The following TMC1 variants were observed in gnomAD, a reference collection of about 807,000 sequenced individuals.
TMC1 encodes the protein transmembrane channel like 1.
TMC1 carries 84 observed loss-of-function variants against 105.8 expected under a neutral mutation model. The observed-to-expected ratio is 0.79, with a 90% confidence interval of 0.67 to 0.95. TMC1 has a LOEUF of 0.95. Among genes scored for constraint, TMC1 ranks in the 40% least tolerant of loss-of-function variants. TMC1 has a pLI of 0.00. For missense variants in TMC1, 817 were observed against 914.1 expected (o/e 0.89, Z 1.37); for synonymous variants, 315 against 311.5 (o/e 1.01, Z -0.12).
At position 72,572,982 on chromosome 9, in the gene TMC1, ACT is replaced by A. The variant is rs1587967239; in HGVS notation, c.-427-4917_-427-4916del. Among the ~76,000 whole-genome samples, 4 of 152,046 alleles carry A rather than the reference ACT, an allele frequency of 2.6e-5. 1 individual carries two copies. In the East Asian group the frequency reaches 7.7e-4, roughly 29 times the overall value. ...ACTCCAACACAGGGGACAGAGTGAG[ACT>A]CTGTCTCAAAAATAAAATAAAATAA... On this transcript the variant is annotated intron_variant, in intron 1 of 23. Coordinates refer to ENST00000297784, the MANE Select transcript of TMC1 (RefSeq NM_138691.3).
intron 3 of TMC1, among the ~76,000 whole-genome samples, chr9:72,620,398 A>G (rs1313050389): frequency 6.6e-6 from 1 of 151,464 alleles, no homozygotes; most frequent in Non-Finnish European, 1.5e-5. Flanking sequence ...AGGCACCACC[A>G]TGCCTGGCTA....
intron 12 of TMC1, among the ~76,000 whole-genome samples, chr9:72,761,198 G>C (rs1827750595): frequency 6.6e-6 from 1 of 152,156 alleles, no homozygotes; most frequent in African/African-American, 2.4e-5. Context: ...AGAAGAATGA[G>C]TTTAAGTCAG....
chr9:72,770,546 A>G (rs1316774855), intron 12 of TMC1, among the ~76,000 whole-genome samples: 2 of 150,334 alleles, frequency 1.3e-5, no homozygotes, highest in Admixed American at 1.3e-4. Flanking sequence ...AGCCTCCCAA[A>G]GTGCTAGAAT....
chr9:72,566,731 T>C (rs1253853638), intron 1 of TMC1, among the ~76,000 whole-genome samples: 1 of 152,196 alleles, frequency 6.6e-6, no homozygotes, highest in Non-Finnish European at 1.5e-5. Context: ...CCTCCTACCC[T>C]TGTGGACTCT....
rs562542055 is a variant in TMC1, at chr9:72,685,206, A to C, written c.17-3503A>C. Among the ~76,000 whole-genome samples, 7 of 142,136 alleles carry C rather than the reference A, an allele frequency of 4.9e-5. No individual in the cohort carries two copies. The East Asian group carries it at 1.2e-3, about 25-fold the overall frequency. The allele number at this position is 142,136 out of a possible 152,430, so 93.2% of individuals were successfully genotyped here. A position where few individuals can be genotyped will look rare whatever the true frequency, so the allele number is the denominator to read the frequency against. On this transcript the variant is annotated intron_variant, in intron 5 of 23. Coordinates refer to ENST00000297784, the MANE Select transcript of TMC1 (RefSeq NM_138691.3). ...ACTGCAAGCTCCGCCTCCCGGGTTC[A>C]TACCATTCTCCTGTTTCAGCCTCCC...
intron 8 of TMC1, among the ~76,000 whole-genome samples, chr9:72,725,730 G>A (rs1010732585): frequency 1.4e-4 from 21 of 151,890 alleles, no homozygotes; most frequent in African/African-American, 3.9e-4. Context: ...TGGCTCTGTC[G>A]CCCAGGCTGG....
At chr9:72,634,546 G>T (rs1825502475) in intron 4 of TMC1, among the ~76,000 whole-genome samples, 1 of 152,164 alleles carries the variant, frequency 6.6e-6, no homozygotes, top group Admixed American at 6.5e-5. Flanking sequence ...GGTAGGGACT[G>T]TTATCATCTT....
At chr9:72,627,819 A>G (rs1303121222) in intron 3 of TMC1, 102 bp from the exon 4 acceptor site, 1 of 346,866 alleles carries the variant, frequency 2.9e-6, no homozygotes, top group Non-Finnish European at 5.7e-6. Context: ...CCATCATAGA[A>G]TATATTGTAT....
intron 2 of TMC1, among the ~76,000 whole-genome samples, chr9:72,592,230 T>C (rs1824651765): frequency 6.6e-6 from 1 of 152,166 alleles, no homozygotes; most frequent in South Asian, 2.1e-4. Flanking sequence ...CCTGAGAAGA[T>C]GGTGAAGTCA....
intron 8 of TMC1, among the ~76,000 whole-genome samples, chr9:72,720,856 G>A (rs1290259834): frequency 6.6e-6 from 1 of 151,976 alleles, no homozygotes; most frequent in African/African-American, 2.4e-5. Context: ...GTCTTTCTTT[G>A]GCAGATATTA....
intron 4 of TMC1, 63 bp downstream of exon 4, chr9:72,628,126 C>A: frequency 2.2e-6 from 1 of 454,994 alleles, no homozygotes; most frequent in Admixed American, 2.4e-5. Context: ...TGGCCTTTCA[C>A]ATGCTATGTT....
At chr9:72,686,045 T>A (rs11143371) in intron 5 of TMC1, among the ~76,000 whole-genome samples, 1 of 152,244 alleles carries the variant, frequency 6.6e-6, no homozygotes. Context: ...TTCTTTTTAC[T>A]GTTTTTAATT....
At chr9:72,719,526 C>T (rs1051217646) in intron 8 of TMC1, among the ~76,000 whole-genome samples, 1 of 152,196 alleles carries the variant, frequency 6.6e-6, no homozygotes, top group Non-Finnish European at 1.5e-5. Flanking sequence ...GCAGTTTGGG[C>T]ACTCACAGTA....
chr9:72,728,932 G>A (rs1035703321), intron 8 of TMC1, among the ~76,000 whole-genome samples: 1 of 151,872 alleles, frequency 6.6e-6, no homozygotes, highest in African/African-American at 2.4e-5. Flanking sequence ...TTTTTACCTT[G>A]TTTCATCTAA....
At chr9:72,812,756 T>C (rs1399619290) in intron 18 of TMC1, among the ~76,000 whole-genome samples, 1 of 152,230 alleles carries the variant, frequency 6.6e-6, no homozygotes, top group Non-Finnish European at 1.5e-5. Context: ...AAATGGGATT[T>C]ATGTGCAGAA....
intron 13 of TMC1, among the ~76,000 whole-genome samples, chr9:72,785,889 G>T (rs1185772714): frequency 1.3e-5 from 2 of 152,130 alleles, no homozygotes; most frequent in African/African-American, 4.8e-5. Context: ...GTTTAGTATC[G>T]CTATTACAGT....
chr9:72,546,207 C>T (rs912480617), intron 1 of TMC1, among the ~76,000 whole-genome samples: 7 of 151,876 alleles, frequency 4.6e-5, no homozygotes, highest in Admixed American at 6.6e-5. Context: ...ACAGGAGAAT[C>T]GCTTGAATGC....
At chr9:72,659,986 T>C (rs1332371418) in intron 5 of TMC1, among the ~76,000 whole-genome samples, 4 of 152,236 alleles carry the variant, frequency 2.6e-5, no homozygotes, top group African/African-American at 9.6e-5. Context: ...TATGACATCA[T>C]TTTCTACCCC....
In TMC1 at chr9:72,807,048, G is replaced by A. The variant is rs890334931; in HGVS notation, c.1695+1538G>A. Among the ~76,000 whole-genome samples, 3 of 152,348 alleles carry A rather than the reference G, an allele frequency of 2.0e-5. No homozygotes were observed. The East Asian group carries it at 5.8e-4, about 29-fold the overall frequency. On this transcript the variant is annotated intron_variant, in intron 18 of 23. Transcript: ENST00000297784. ...AGGCTGAGGCTGGCGGATCACTTGC[G>A]GTTTGGGGCTGGAGACTGGCCTGGC... is the stretch of plus-strand genomic sequence containing the variant.
Sources: gnomAD v4.1 joint callset for allele counts (sites outside exome capture counted in the v4.1 genomes callset) on GRCh38, gnomAD v4.1.1 for gene constraint, MANE v1.5 for transcripts, NCBI Gene and HGNC (gene_info 2026-07-23, HGNC 2026-07-21) for gene names.